Variants in LRRC4B observed in about 807,000 individuals in gnomAD.
The protein encoded by LRRC4B is leucine-rich repeat-containing protein 4B.
In LRRC4B, 1 loss-of-function variant was observed where a neutral mutation model predicts 7.3. That is an observed-to-expected ratio of 0.14 (90% CI 0.05 to 0.65). The LOEUF (loss-of-function observed/expected upper bound fraction) is 0.65. Ranked by LOEUF, LRRC4B falls within the 30% of genes least tolerant of loss-of-function variation. The pLI is 0.84. For missense variants in LRRC4B, 730 were observed against 1,041.6 expected (o/e 0.70, Z 4.12); for synonymous variants, 500 against 499.2 (o/e 1.00, Z -0.02).
intron 2 of LRRC4B, among the ~76,000 whole-genome samples, chr19:50,534,590 C>T (rs1981183195): frequency 6.6e-6 from 1 of 152,204 alleles, no homozygotes; most frequent in African/African-American, 2.4e-5. Flanking sequence ...GGACAGATCT[C>T]AATGATGCAG....
intron 2 of LRRC4B, among the ~76,000 whole-genome samples, chr19:50,547,709 C>G (rs1033627874): frequency 2.7e-5 from 4 of 149,854 alleles, no homozygotes; most frequent in African/African-American, 9.9e-5. Context: ...GAGCCCCCCA[C>G]CCTGCCCGCC....
chr19:50,524,704 G>A (rs963242204), intron 2 of LRRC4B, among the ~76,000 whole-genome samples: 1 of 152,160 alleles, frequency 6.6e-6, no homozygotes, highest in Non-Finnish European at 1.5e-5. Context: ...GCAAACTTGC[G>A]ATTGAGCCAT....
At position 50,534,417 on chromosome 19, in the gene LRRC4B, A is replaced by G. The variant is rs542919881; in HGVS notation, c.297+14125T>C. Among the ~76,000 whole-genome samples, 8 of 152,170 alleles carry G rather than the reference A, an allele frequency of 5.3e-5. No individual in the cohort carries two copies. In the South Asian group the frequency reaches 8.3e-4, roughly 16 times the overall value. ...CGCAGGTAAATCCTCCTGCCCCCTC[A>G]CCCTAACATCTTTAGCCTGACGAAG... On this transcript the variant is annotated intron_variant, in intron 2 of 2. Coordinates refer to ENST00000652263, the MANE Select transcript of LRRC4B (RefSeq NM_001080457.2).
chr19:50,519,239 G>C lies in LRRC4B; in HGVS notation c.474C>G (p.Ser158=). Residue 158 remains serine (S), a synonymous_variant, in exon 3 of 3, where the codon TCC becomes TCG. Transcript: ENST00000652263. This position sits in a 1 kb window ranked among gnomAD's most constrained non-coding sequence, Gnocchi z 8.1. ...TCCGCAGCCAGAGCTCCCGCAGCTT[G>C]GACAGGTACTCGAAGGCCTGCGTGG... ...TVPTQAFEYL[S]KLRELWLRNN... 6.2e-7 allele frequency: 1 copy of C among 1,614,128 alleles called. No homozygotes were observed. Among genetic ancestry groups the C allele is most frequent in the Non-Finnish European group, 8.5e-7 (1 of 1,180,046 alleles).
At chr19:50,546,828 C>A (rs1191666808) in intron 2 of LRRC4B, among the ~76,000 whole-genome samples, 1 of 152,168 alleles carries the variant, frequency 6.6e-6, no homozygotes, top group Admixed American at 6.5e-5. Context: ...TGGGTGCCTC[C>A]CTGTCCCACG....
chr19:50,528,020 C>T (rs911324501), intron 2 of LRRC4B, among the ~76,000 whole-genome samples: 1 of 151,766 alleles, frequency 6.6e-6, no homozygotes, highest in Admixed American at 6.6e-5. Flanking sequence ...GGATTACAGG[C>T]GTGAGCCACC....
chr19:50,542,454 C>G (rs987197039), intron 2 of LRRC4B, among the ~76,000 whole-genome samples: 3 of 151,626 alleles, frequency 2.0e-5, no homozygotes, highest in Non-Finnish European at 2.9e-5. Flanking sequence ...GGGGCAGGGC[C>G]TCAGAGAATT....
chr19:50,561,005 C>T (rs1004831120), intron 1 of LRRC4B, among the ~76,000 whole-genome samples: 1 of 152,104 alleles, frequency 6.6e-6, no homozygotes, highest in Non-Finnish European at 1.5e-5. Context: ...ACAGGAGAAT[C>T]GCTTGAACCT....
At chr19:50,539,162 G>A (rs1211602197) in intron 2 of LRRC4B, among the ~76,000 whole-genome samples, 2 of 152,244 alleles carry the variant, frequency 1.3e-5, no homozygotes, top group African/African-American at 4.8e-5. Flanking sequence ...ACAGGCGTGA[G>A]CCACCGTGCC....
At chr19:50,544,077 T>G (rs1353839696) in intron 2 of LRRC4B, among the ~76,000 whole-genome samples, 10 of 151,180 alleles carry the variant, frequency 6.6e-5, no homozygotes, top group South Asian at 6.3e-4. Flanking sequence ...CGTGGTGGTG[T>G]GCGCCTGTAA....
intron 1 of LRRC4B, among the ~76,000 whole-genome samples, chr19:50,554,384 G>A (rs796683157): frequency 7.2e-5 from 11 of 152,120 alleles, no homozygotes; most frequent in African/African-American, 1.7e-4. Context: ...AGCACCACCC[G>A]GATGGCTAAG....
rs547164892 is a variant in LRRC4B, at chr19:50,541,257, C to T, written c.297+7285G>A. Among the ~76,000 whole-genome samples the T allele has an allele frequency of 4.0e-4, 60 of 149,894 alleles. 1 individual carries two copies. The South Asian group carries it at 0.012, about 30-fold the overall frequency. Reference sequence around the variant, plus strand: ...GGGTGTGCCTGTAATCCCAGCTACTCGGGAGGCTGAGGCAGGAGAATCGCT... The same window carrying T: ...GGGTGTGCCTGTAATCCCAGCTACTTGGGAGGCTGAGGCAGGAGAATCGCT... On this transcript the variant is annotated intron_variant, in intron 2 of 2. Transcript: ENST00000652263.
rs1203649384 is a variant in LRRC4B at position 50,517,982 on chromosome 19, G to T, written c.1731C>A (p.Ile577=). The T allele has an allele frequency of 1.9e-6, 3 of 1,539,230 alleles. No homozygotes were observed. The highest frequency in any genetic ancestry group is 2.6e-6 in the Non-Finnish European group (3 of 1,145,748). ...DLDDVMKTTK[I]IIGCFVAITF... ...TGATGGCCACGAAGCAGCCGATGAT[G>T]ATTTTGGTGGTCTTCATGACGTCGT... Residue 577 remains isoleucine, a synonymous_variant, in exon 3 of 3, where the codon ATC becomes ATA. Coordinates refer to ENST00000652263, the MANE Select transcript of LRRC4B (RefSeq NM_001080457.2). This position sits in a 1 kb window ranked among gnomAD's most constrained non-coding sequence, Gnocchi z 6.6.
chr19:50,561,342 A>T (rs1982454904), intron 1 of LRRC4B, among the ~76,000 whole-genome samples: 2 of 152,236 alleles, frequency 1.3e-5, no homozygotes, highest in South Asian at 4.1e-4. Context: ...CTACTGTGAG[A>T]ATCAGCATGG....
rs1325711380 is a variant in LRRC4B, at chr19:50,537,291, G to A, written c.297+11251C>T. On this transcript the variant is annotated intron_variant, in intron 2 of 2. Coordinates refer to ENST00000652263, the MANE Select transcript of LRRC4B (RefSeq NM_001080457.2). This position sits in a 1 kb window ranked among gnomAD's most constrained non-coding sequence, Gnocchi z 5.5. ...CTCCTATGCCTCAGTTTCCTCATCT[G>A]TAACATGAGAAGAATAGGACCTACT... Among the ~76,000 whole-genome samples, 1 of 152,184 alleles carries A rather than the reference G, an allele frequency of 6.6e-6. No individual in the cohort carries two copies. Among genetic ancestry groups the A allele is most frequent in the Non-Finnish European group, 1.5e-5 (1 of 68,040 alleles).
In LRRC4B at chr19:50,520,243, AAAAAGAAGAAAAG is replaced by A. The variant is rs1568716025; in HGVS notation, c.298-841_298-829del. Among the ~76,000 whole-genome samples the A allele has an allele frequency of 4.3e-4, 26 of 61,110 alleles. 2 individuals are homozygous for A. The highest frequency in any genetic ancestry group is 5.6e-4 in the African/African-American group (7 of 12,392). The allele number at this position is 61,110 out of a possible 152,430, so 40.1% of individuals were successfully genotyped here. A position where few individuals can be genotyped will look rare whatever the true frequency, so the allele number is the denominator to read the frequency against. On this transcript the variant is annotated intron_variant, in intron 2 of 2. Transcript: ENST00000652263. ...AAAAAAAAAAAAAAAAAAAAAAAAA[AAAAAGAAGAAAAG>A]AAAAGAAAAATGAACAAACAAGAAA... is the stretch of plus-strand genomic sequence containing the variant.
chr19:50,538,315 G>A (rs1389221888), intron 2 of LRRC4B, among the ~76,000 whole-genome samples: 4 of 151,916 alleles, frequency 2.6e-5, no homozygotes, highest in Non-Finnish European at 4.4e-5. Flanking sequence ...CAACCGCCTC[G>A]GCCTCCCGAA....
rs780643415 is a variant in LRRC4B at position 50,519,191 on chromosome 19, G to A, written c.522C>T (p.Pro174=). The A allele has an allele frequency of 3.2e-5, 52 of 1,613,898 alleles. No individual in the cohort carries two copies. Among genetic ancestry groups the A allele is most frequent in the Middle Eastern group, 1.6e-4 (1 of 6,084 alleles). ...WLRNNPIESI[P]SYAFNRVPSL... ...AGGGCACGCGGTTGAAGGCGTAGGA[G>A]GGGATGCTCTCGATGGGGTTGTTCC... Residue 174 remains proline (P), a synonymous_variant, in exon 3 of 3, where the codon CCC becomes CCT. Transcript: ENST00000652263. The surrounding 1 kb of genome is among the most constrained non-coding windows in gnomAD (Gnocchi z 8.1).
At chr19:50,554,929 T>C (rs1383871819) in intron 1 of LRRC4B, among the ~76,000 whole-genome samples, 1 of 152,118 alleles carries the variant, frequency 6.6e-6, no homozygotes, top group Non-Finnish European at 1.5e-5. Context: ...ACAATTCCCA[T>C]GGAGGCTGCC....
Sources: gnomAD v4.1 joint callset for allele counts (sites outside exome capture counted in the v4.1 genomes callset) on GRCh38, gnomAD v4.1.1 for gene constraint, Gnocchi (gnomAD v3.1) non-coding constraint, MANE v1.5 for transcripts, NCBI Gene and HGNC (gene_info 2026-07-23, HGNC 2026-07-21) for gene names.